Variants in GPHN observed in about 807,000 individuals in gnomAD.
GPHN encodes the protein gephyrin.
Under a neutral mutation model 95.5 loss-of-function variants are expected in GPHN, and 17 were observed. The observed-to-expected ratio is 0.18, with a 90% CI of 0.12 to 0.27. The LOEUF is 0.27. Ranked by LOEUF, GPHN falls within the 10% of genes least tolerant of loss-of-function variation. The pLI, the probability that GPHN is intolerant of heterozygous loss-of-function variation, is 1.00. For missense variants in GPHN, 660 were observed against 978.1 expected (o/e 0.67, Z 4.34); for synonymous variants, 320 against 322.5 (o/e 0.99, Z 0.08).
chr14:67,044,250 T>C (rs970268881), intron 10 of GPHN, among the ~76,000 whole-genome samples: 9 of 151,974 alleles, frequency 5.9e-5, no homozygotes, highest in African/African-American at 9.7e-5. Flanking sequence ...GACAGGAGAA[T>C]TGCTTGAACC....
the GPHN span, chr14:67,222,148 T>C: frequency 4.1e-6 from 1 of 243,510 alleles, no homozygotes; most frequent in Non-Finnish European, 7.8e-6. Context: ...ACTACAGCAA[T>C]CATAGGACCT....
intron 4 of GPHN, among the ~76,000 whole-genome samples, chr14:66,850,749 A>G (rs2062547377): frequency 1.3e-5 from 2 of 152,268 alleles, no homozygotes; most frequent in South Asian, 4.1e-4. Context: ...AACCCTCATG[A>G]CATAATATCG....
chr14:67,338,872 C>A, the GPHN span: 9 of 865,232 alleles, frequency 1.0e-5, no homozygotes, highest in South Asian at 2.0e-4. Flanking sequence ...TAGAAAAAAA[C>A]CTGGTACTTT....
chr14:66,546,630 G>T (rs1225483735), intron 1 of GPHN, among the ~76,000 whole-genome samples: 1 of 152,136 alleles, frequency 6.6e-6, no homozygotes, highest in East Asian at 1.9e-4. Flanking sequence ...AAACCAGTCA[G>T]GCGTGGCGGC....
chr14:67,612,941 A>G, the GPHN span, among the ~76,000 whole-genome samples: 3 of 55,270 alleles, frequency 5.4e-5, no homozygotes, highest in Non-Finnish European at 8.1e-5. Context: ...ACTCTGTCTC[A>G]AAAAAAAAAA....
the GPHN span, among the ~76,000 whole-genome samples, chr14:67,598,167 A>G: frequency 6.6e-6 from 1 of 152,128 alleles, no homozygotes; most frequent in Non-Finnish European, 1.5e-5. Context: ...GATATTCATT[A>G]CTCTCATAAA....
At chr14:66,567,255 C>T (rs1000937194) in intron 1 of GPHN, among the ~76,000 whole-genome samples, 2 of 152,128 alleles carry the variant, frequency 1.3e-5, no homozygotes, top group African/African-American at 4.8e-5. Context: ...GAGGCATTAT[C>T]AGTCTTAGGT....
intron 2 of GPHN, chr14:66,709,287 G>C (rs2069384598): frequency 2.2e-6 from 1 of 455,146 alleles, no homozygotes; most frequent in African/African-American, 2.0e-5. Context: ...GTATTAGATT[G>C]AAAGCACCCT....
At chr14:66,583,998 C>T (rs1183950400) in intron 1 of GPHN, among the ~76,000 whole-genome samples, 15 of 152,040 alleles carry the variant, frequency 9.9e-5, no homozygotes, top group Admixed American at 5.9e-4. Flanking sequence ...TTTCACGATA[C>T]TGATTCTTCC....
intron 5 of GPHN, among the ~76,000 whole-genome samples, chr14:66,893,916 A>G (rs922951531): frequency 2.6e-5 from 4 of 152,232 alleles, no homozygotes; most frequent in African/African-American, 9.7e-5. Flanking sequence ...AAGAATCAAT[A>G]TCGTGAAAAT....
the GPHN span, among the ~76,000 whole-genome samples, chr14:67,539,587 C>T: frequency 6.6e-6 from 1 of 152,186 alleles, no homozygotes; most frequent in South Asian, 2.1e-4. Context: ...GATATAGGTT[C>T]ATCCTTGTGC....
the GPHN span, chr14:67,695,645 G>A: frequency 6.2e-7 from 1 of 1,614,138 alleles, no homozygotes; most frequent in South Asian, 1.1e-5. Flanking sequence ...TTGGGGCGCA[G>A]CCATATACAG....
chr14:67,375,229 G>C, the GPHN span, among the ~76,000 whole-genome samples: 1 of 134,166 alleles, frequency 7.5e-6, no homozygotes, highest in Admixed American at 8.2e-5. Context: ...TACATCCTCA[G>C]TTCTGTGTGT....
the GPHN span, among the ~76,000 whole-genome samples, chr14:67,357,949 T>C: frequency 6.6e-6 from 1 of 152,040 alleles, no homozygotes. Context: ...CACTTCAGAG[T>C]TGGAAGAGAT....
At chr14:67,222,853 GA>G in the GPHN span, among the ~76,000 whole-genome samples, 10 of 147,772 alleles carry the variant, frequency 6.8e-5, no homozygotes, top group South Asian at 2.1e-4. Context: ...TAAGTGAAGA[GA>G]AAAAAAAAAT....
At chr14:67,648,137 A>G in the GPHN span, 1 of 1,614,076 alleles carries the variant, frequency 6.2e-7, no homozygotes, top group South Asian at 1.1e-5. Context: ...TCGGGGGACT[A>G]ACCTATCGAG....
intron 9 of GPHN, among the ~76,000 whole-genome samples, chr14:67,000,689 C>A (rs534944291): frequency 6.6e-6 from 1 of 151,632 alleles, no homozygotes; most frequent in Admixed American, 6.6e-5. Context: ...ACCTCACTTT[C>A]AAATTTGTAG....
At chr14:66,732,586 G>A (rs1030792482) in intron 2 of GPHN, among the ~76,000 whole-genome samples, 2 of 152,290 alleles carry the variant, frequency 1.3e-5, no homozygotes, top group Admixed American at 1.3e-4. Context: ...GCACAATCTC[G>A]ACTCACTGCA....
chr14:67,280,792 T>TTTCCTTCCTTCCTTCCTTCC, the GPHN span, among the ~76,000 whole-genome samples: 73 of 77,664 alleles, frequency 9.4e-4, no homozygotes, highest in Non-Finnish European at 1.5e-3. Flanking sequence ...TCTGGAGCAG[T>TTTCCTTCCTTCCTTCCTTCC]TTCCTTCCTT....
Sources: allele counts gnomAD v4.1 joint callset (sites outside exome capture counted in the v4.1 genomes callset), GRCh38; gene constraint gnomAD v4.1.1; transcripts MANE v1.5; gene names NCBI Gene and HGNC (gene_info 2026-07-23, HGNC 2026-07-21).